The following LRRN3 variants were observed in gnomAD, a reference collection of about 807,000 sequenced individuals.
LRRN3 encodes the protein leucine rich repeat neuronal 3.
Under a neutral mutation model 40.1 loss-of-function variants are expected in LRRN3, and 15 were observed. The ratio of observed to expected loss-of-function variants is 0.37; its 90% confidence interval spans 0.25 to 0.58. The LOEUF is 0.58. Among genes scored for constraint, LRRN3 ranks in the 20% least tolerant of loss-of-function variants. LRRN3 has a pLI of 0.72. For missense variants in LRRN3, 746 were observed against 837.7 expected, an observed-to-expected ratio of 0.89 and a Z score of 1.35; for synonymous variants, 308 against 297.2, an observed-to-expected ratio of 1.04 and a Z score of -0.37.
intron 1 of LRRN3, among the ~76,000 whole-genome samples, chr7:111,098,701 G>T (rs150316763): frequency 2.0e-5 from 3 of 151,674 alleles, no homozygotes; most frequent in African/African-American, 7.3e-5. Context: ...CTAAGTAAGC[G>T]CTATGTTTAA....
intron 2 of LRRN3, among the ~76,000 whole-genome samples, chr7:111,120,857 T>C (rs990161444): frequency 2.0e-5 from 3 of 152,088 alleles, no homozygotes; most frequent in African/African-American, 7.2e-5. Flanking sequence ...GGGAACCTGT[T>C]GAATCGCAAT....
chr7:111,105,727 ATG>A (rs2129581322), intron 2 of LRRN3, among the ~76,000 whole-genome samples: 1 of 152,022 alleles, frequency 6.6e-6, no homozygotes, highest in South Asian at 2.1e-4. Context: ...CATTTGTATT[ATG>A]TGTACTAACA....
chr7:111,117,415 C>T (rs1444790562), intron 2 of LRRN3, among the ~76,000 whole-genome samples: 1 of 152,040 alleles, frequency 6.6e-6, no homozygotes, highest in Admixed American at 6.6e-5. Context: ...GTAAACCTGG[C>T]CCATGTTTCT....
At chr7:111,114,512 C>T (rs1188907354) in intron 2 of LRRN3, among the ~76,000 whole-genome samples, 1 of 151,978 alleles carries the variant, frequency 6.6e-6, no homozygotes, top group Non-Finnish European at 1.5e-5. Flanking sequence ...TCAAGGAGGG[C>T]AGATCATTAG....
At chr7:111,101,307 C>CCTAGTCA (rs1797949779) in intron 2 of LRRN3, among the ~76,000 whole-genome samples, 2 of 151,430 alleles carry the variant, frequency 1.3e-5, no homozygotes, top group East Asian at 3.9e-4. Context: ...TGAACAGAAC[C>CCTAGTCA]TTGGCATACT....
intron 2 of LRRN3, among the ~76,000 whole-genome samples, chr7:111,116,351 A>C (rs1586378397): frequency 6.6e-6 from 1 of 152,164 alleles, no homozygotes; most frequent in Non-Finnish European, 1.5e-5. Flanking sequence ...TGATAATAAG[A>C]GGATTTTTGC....
intron 2 of LRRN3, among the ~76,000 whole-genome samples, chr7:111,108,893 G>C (rs952776037): frequency 6.6e-6 from 1 of 152,132 alleles, no homozygotes; most frequent in African/African-American, 2.4e-5. Flanking sequence ...TCATTCAGTA[G>C]ATATTTATTG....
chr7:111,091,592 A>C (rs752511973), intron 1 of LRRN3, 88 bp downstream of exon 1: 2 of 152,088 alleles, frequency 1.3e-5, no homozygotes, highest in Non-Finnish European at 2.9e-5. Context: ...TCCTCCTTTG[A>C]TGTCTTCTTC....
chr7:111,110,423 A>G (rs1277925799), intron 2 of LRRN3, among the ~76,000 whole-genome samples: 2 of 152,208 alleles, frequency 1.3e-5, no homozygotes, highest in Non-Finnish European at 2.9e-5. Flanking sequence ...ATCTTCCAAG[A>G]AAACATAAAC....
intron 2 of LRRN3, among the ~76,000 whole-genome samples, chr7:111,116,674 A>T (rs1799916969): frequency 6.6e-6 from 1 of 152,172 alleles, no homozygotes; most frequent in Non-Finnish European, 1.5e-5. Flanking sequence ...ACATAGCAAA[A>T]CTAGGCCTAG....
At chr7:111,095,448 C>CA (rs1194811602) in intron 1 of LRRN3, among the ~76,000 whole-genome samples, 1 of 151,406 alleles carries the variant, frequency 6.6e-6, no homozygotes, top group East Asian at 1.9e-4. Flanking sequence ...CAGATATGTA[C>CA]AAAAAAGAGA....
Position 111,122,706 on chromosome 7 carries a change from T to G in LRRN3, c.-67T>G. ...CATCTTCCTTATCAATCAGCTCCTATTGAACTTACTAGCACTGACTGTGGA... is the reference window on the plus strand; with the variant it reads ...CATCTTCCTTATCAATCAGCTCCTAGTGAACTTACTAGCACTGACTGTGGA... On this transcript the variant is annotated 5_prime_UTR_variant, in exon 3 of 3. It introduces an in-frame stop codon into an upstream open reading frame of the 5' UTR. Transcript: ENST00000308478. The G allele has an allele frequency of 8.1e-7, 1 of 1,235,332 alleles. No homozygotes were observed. Among genetic ancestry groups the G allele is most frequent in the Non-Finnish European group, 1.1e-6 (1 of 873,176 alleles). 76.5% of individuals were successfully genotyped at this position (1,235,332 alleles called of 1,614,324 possible).
At chr7:111,117,213 T>C (rs1292176764) in intron 2 of LRRN3, among the ~76,000 whole-genome samples, 1 of 152,132 alleles carries the variant, frequency 6.6e-6, no homozygotes, top group African/African-American at 2.4e-5. Flanking sequence ...TAAAATCAGA[T>C]AAGTGAGTTT....
chr7:111,093,633 A>G (rs931658610), intron 1 of LRRN3, among the ~76,000 whole-genome samples: 3 of 152,158 alleles, frequency 2.0e-5, no homozygotes, highest in African/African-American at 7.2e-5. Flanking sequence ...GCTCACATAC[A>G]TATTTTGTGG....
chr7:111,099,249 TC>T (rs1797717552), intron 1 of LRRN3, among the ~76,000 whole-genome samples: 2 of 151,730 alleles, frequency 1.3e-5, no homozygotes, highest in African/African-American at 4.8e-5. Context: ...TAATAAGCTT[TC>T]CTTGTATCTA....
chr7:111,124,347 G>T lies in LRRN3; in HGVS notation c.1575G>T (p.Leu525Phe). 2 of 1,613,670 alleles carry T rather than the reference G, an allele frequency of 1.2e-6. No individual in the cohort carries two copies. The highest frequency in any genetic ancestry group is 1.7e-6 in the Non-Finnish European group (2 of 1,179,944). ...GSFPQDNNGS[L>F]NIKIRDIQAN... is the part of the protein sequence containing the mutation. ...TTCCACAAGATAACAATGGCTCTTT[G>T]AATATTAAAATAAGAGATATTCAGG... The change falls in exon 3 of 3, where the codon TTG (leucine) becomes TTT (phenylalanine). Residue 525 changes from leucine to phenylalanine, a missense_variant. Transcript: ENST00000308478.
intron 2 of LRRN3, among the ~76,000 whole-genome samples, chr7:111,106,620 G>T (rs1798577906): frequency 1.3e-5 from 2 of 150,164 alleles, no homozygotes; most frequent in African/African-American, 4.9e-5. Flanking sequence ...GTGAAGTATG[G>T]CTGCTAAGAG....
intron 2 of LRRN3, among the ~76,000 whole-genome samples, chr7:111,100,815 CAGTAATGAAATAAG>C (rs1229471438): frequency 6.6e-6 from 1 of 151,410 alleles, no homozygotes; most frequent in Admixed American, 6.6e-5. Context: ...GAATGGAAAT[CAGTAATGAAATAAG>C]GAAAGTTTTA....
At chr7:111,102,273 C>T (rs374762069) in intron 2 of LRRN3, among the ~76,000 whole-genome samples, 1 of 151,334 alleles carries the variant, frequency 6.6e-6, no homozygotes, top group African/African-American at 2.4e-5. Context: ...GGACCATATG[C>T]TCCTGTCAAA....
Sources: gnomAD v4.1 joint callset for allele counts (sites outside exome capture counted in the v4.1 genomes callset) on GRCh38, gnomAD v4.1.1 for gene constraint, MANE v1.5 for transcripts, NCBI Gene and HGNC (gene_info 2026-07-23, HGNC 2026-07-21) for gene names.